The following MBOAT1 variants were observed in gnomAD, a reference collection of about 807,000 sequenced individuals.
MBOAT1 encodes the protein membrane-bound glycerophospholipid O-acyltransferase 1.
MBOAT1 carries 67 observed loss-of-function variants against 64.4 expected under a neutral mutation model. The ratio of observed to expected loss-of-function variants is 1.04; its 90% CI spans 0.85 to 1.27. The LOEUF is 1.27. MBOAT1 is among the 50% of genes most tolerant of loss of function. The probability of loss-of-function intolerance (pLI) is 0.00; values close to 1 mark genes in which losing one functional copy is unlikely to be tolerated. For missense variants in MBOAT1, 563 were observed against 604.6 expected (o/e 0.93, Z 0.72); for synonymous variants, 229 against 218.9 (o/e 1.05, Z -0.41).
intron 1 of MBOAT1, among the ~76,000 whole-genome samples, chr6:20,177,737 G>A (rs1398059286): frequency 6.8e-6 from 1 of 146,874 alleles, no homozygotes; most frequent in African/African-American, 2.6e-5. Flanking sequence ...TCGTGCCACT[G>A]TGCTCCAGCC....
At chr6:20,113,399 C>T (rs189513022) in intron 10 of MBOAT1, among the ~76,000 whole-genome samples, 33 of 152,322 alleles carry the variant, frequency 2.2e-4, no homozygotes, top group African/African-American at 7.7e-4. Context: ...GTGCCATTGG[C>T]ATTAACAATT....
intron 1 of MBOAT1, among the ~76,000 whole-genome samples, chr6:20,199,381 GA>G (rs1763055855): frequency 6.6e-6 from 1 of 151,974 alleles, no homozygotes; most frequent in African/African-American, 2.4e-5. Context: ...TATTTCTAAA[GA>G]CACTCTAAAT....
rs777374410 is a variant in MBOAT1 at position 20,152,730 on chromosome 6, C to T, written c.139G>A (p.Ala47Thr). Residue 47 changes from alanine to threonine, a missense_variant, in exon 2 of 13, where the codon GCT becomes ACT. Transcript: ENST00000324607. ...VVCQLVALFA[A>T]FWFRIYLRPG... ...CGTAAGTAGATGCGAAACCAGAAAG[C>T]AGCAAACAGAGCAACAAGCTGGCAT... The T allele has an allele frequency of 6.2e-7, 1 of 1,612,398 alleles. No individual in the cohort carries two copies. Among genetic ancestry groups the T allele is most frequent in the Admixed American group, 1.7e-5 (1 of 59,990 alleles).
At chr6:20,204,508 T>C (rs181199033) in intron 1 of MBOAT1, among the ~76,000 whole-genome samples, 1 of 151,670 alleles carries the variant, frequency 6.6e-6, no homozygotes, top group Non-Finnish European at 1.5e-5. Context: ...CAATGTGATA[T>C]GGATAGGACG....
chr6:20,183,593 A>G (rs540535928), intron 1 of MBOAT1, among the ~76,000 whole-genome samples: 8 of 99,470 alleles, frequency 8.0e-5, no homozygotes, highest in East Asian at 8.8e-4. Context: ...TCTGGTTGGT[A>G]TCCATCTCTC....
chr6:20,173,738 G>C (rs1041975297), intron 1 of MBOAT1, among the ~76,000 whole-genome samples: 1 of 152,030 alleles, frequency 6.6e-6, no homozygotes, highest in Non-Finnish European at 1.5e-5. Flanking sequence ...ATCACTTGAG[G>C]TCAGGAGTTC....
chr6:20,121,396 G>A (rs1032066889), intron 8 of MBOAT1, among the ~76,000 whole-genome samples: 4 of 152,126 alleles, frequency 2.6e-5, no homozygotes, highest in African/African-American at 9.7e-5. Context: ...TCAAATTGAG[G>A]CCATACAAAT....
intron 1 of MBOAT1, among the ~76,000 whole-genome samples, chr6:20,207,648 G>A (rs899362862): frequency 6.6e-6 from 1 of 152,210 alleles, no homozygotes; most frequent in Admixed American, 6.5e-5. Context: ...CATAAATAAA[G>A]TTGTATGGGA....
At chr6:20,167,979 G>A (rs991236825) in intron 1 of MBOAT1, among the ~76,000 whole-genome samples, 4 of 152,138 alleles carry the variant, frequency 2.6e-5, no homozygotes, top group Admixed American at 2.6e-4. Flanking sequence ...ACATCCTCCA[G>A]TAGGAAGCAC....
At chr6:20,201,434 C>T (rs1763121144) in intron 1 of MBOAT1, among the ~76,000 whole-genome samples, 1 of 152,182 alleles carries the variant, frequency 6.6e-6, no homozygotes, top group South Asian at 2.1e-4. Context: ...TAGACACAGA[C>T]TATCTCTGAA....
chr6:20,212,096 C>T, intron 1 of MBOAT1, 40 bp downstream of exon 1: 1 of 1,588,730 alleles, frequency 6.3e-7, no homozygotes, highest in Non-Finnish European at 8.6e-7. Flanking sequence ...CACGCGATCG[C>T]TGGGGAGCTG....
At position 20,102,338 on chromosome 6, in the gene MBOAT1, G is replaced by A. The variant is rs774000304; in HGVS notation, c.1436C>T (p.Thr479Met). The change falls in exon 13 of 13, where the codon ACG becomes ATG. Residue 479 changes from threonine to methionine, a missense_variant. Physicochemically the swap from Thr to Met is moderately conservative, Grantham distance 81. Transcript: ENST00000324607. ...LFLPMKPQAH[T>M]QRRPQTLNSI... is the part of the protein sequence containing the mutation. The stretch of plus-strand genomic sequence containing the variant: ...GTTCAGAGTCTGAGGCCGCCTTTGC[G>A]TATGAGCTTGTGGTTTCATTGGCAG... 42 of 1,613,776 alleles carry A rather than the reference G, an allele frequency of 2.6e-5. No homozygotes were observed. Among genetic ancestry groups the A allele is most frequent in the East Asian group, 4.5e-5 (2 of 44,880 alleles).
chr6:20,118,587 T>C (rs370414602), intron 8 of MBOAT1, 47 bp from the exon 9 acceptor site: 80 of 1,445,428 alleles, frequency 5.5e-5, no homozygotes, highest in Non-Finnish European at 6.7e-5. Flanking sequence ...AAAAGTCACA[T>C]TGCTGCTTTT....
intron 4 of MBOAT1, among the ~76,000 whole-genome samples, chr6:20,133,158 G>T (rs180884284): frequency 4.8e-4 from 73 of 152,264 alleles, no homozygotes; most frequent in African/African-American, 1.6e-3. Flanking sequence ...TTTGAAACAA[G>T]ATTGCTAATG....
chr6:20,192,522 C>A (rs545159545), intron 1 of MBOAT1, among the ~76,000 whole-genome samples: 2 of 152,318 alleles, frequency 1.3e-5, no homozygotes, highest in African/African-American at 4.8e-5. Flanking sequence ...AATTGTCCAA[C>A]TTAGACCATC....
At position 20,126,603 on chromosome 6, in the gene MBOAT1, T is replaced by A; in HGVS notation, c.628A>T (p.Ile210Phe). 4 of 1,614,030 alleles carry A rather than the reference T, an allele frequency of 2.5e-6. No homozygotes were observed. Among genetic ancestry groups the A allele is most frequent in the Non-Finnish European group, 3.4e-6 (4 of 1,179,956 alleles). ...TTCATGTGTATATGCTTCCCCTCAA[T>A]GAAGGCTATGTAGTCCTTGAAATTG... ...CNNFKDYIAF[I>F]EGKHIHMKLL... The change falls in exon 7 of 13, where the codon ATT becomes TTT. Residue 210 changes from isoleucine to phenylalanine, a missense_variant. Physicochemically the swap from Ile to Phe is conservative, Grantham distance 21. Transcript: ENST00000324607.
intron 4 of MBOAT1, among the ~76,000 whole-genome samples, chr6:20,139,742 A>G (rs1761115882): frequency 6.6e-6 from 1 of 151,220 alleles, no homozygotes; most frequent in Non-Finnish European, 1.5e-5. Flanking sequence ...TTTTGTAAAG[A>G]TGGGGTCTCA....
chr6:20,122,383 T>C (rs1472729492), intron 8 of MBOAT1, among the ~76,000 whole-genome samples: 1 of 152,080 alleles, frequency 6.6e-6, no homozygotes, highest in East Asian at 1.9e-4. Flanking sequence ...GCTTGAAGAG[T>C]ATTGCCTGGT....
Position 20,115,398 on chromosome 6 carries a change from G to A in MBOAT1, c.1012-46C>T, listed in dbSNP as rs570630459. 2.4e-5 allele frequency: 36 copies of A among 1,482,244 alleles called. No homozygotes were observed. The East Asian group carries it at 3.4e-4, about 14-fold the overall frequency. The allele number at this position is 1,482,244 out of a possible 1,614,324, so 91.8% of individuals were successfully genotyped here. A position where few individuals can be genotyped will look rare whatever the true frequency, so the allele number is the denominator to read the frequency against. On this transcript the variant is annotated intron_variant, in intron 9 of 12. Transcript: ENST00000324607. ...CCTATCATTAGCTTTAAAAATACCC[G>A]AAGTAATGGAAAGTTCTCCCCAGTT...
Sources: gnomAD v4.1 joint callset for allele counts (sites outside exome capture counted in the v4.1 genomes callset) on GRCh38, gnomAD v4.1.1 for gene constraint, MANE v1.5 for transcripts, NCBI Gene and HGNC (gene_info 2026-07-23, HGNC 2026-07-21) for gene names.